The following BAHD1 variants were observed in gnomAD, a reference collection of about 807,000 sequenced individuals.
The protein encoded by BAHD1 is bromo adjacent homology domain containing 1.
In BAHD1, 20 loss-of-function variants were observed where a neutral mutation model predicts 63.1. That is an observed-to-expected ratio of 0.32 (90% CI 0.22 to 0.46). The LOEUF (loss-of-function observed/expected upper bound fraction) is 0.46, where lower values mean the gene tolerates loss of function less well. Among genes scored for constraint, BAHD1 ranks in the 20% least tolerant of loss-of-function variants. BAHD1 has a pLI of 1.00. For missense variants in BAHD1, 939 were observed against 1,071.8 expected, an observed-to-expected ratio of 0.88 and a Z score of 1.73; for synonymous variants, 408 against 426.8, an observed-to-expected ratio of 0.96 and a Z score of 0.54.
At position 40,448,658 on chromosome 15, in the gene BAHD1, T is replaced by A. The variant is rs1893615181; in HGVS notation, c.-15+7390T>A. ...CTCAAGTGATCCTCCCACCTCAGCC[T>A]CCTAAGTAGCTGGGACTACAGGCAC... On this transcript the variant is annotated intron_variant, in intron 1 of 6. Transcript: ENST00000416165. 2.0e-5 allele frequency among the ~76,000 whole-genome samples: 3 copies of A among 152,160 alleles called. No individual in the cohort carries two copies. In the South Asian group the frequency reaches 6.2e-4, roughly 32 times the overall value.
At chr15:40,446,802 T>C (rs970948298) in intron 1 of BAHD1, among the ~76,000 whole-genome samples, 4 of 152,180 alleles carry the variant, frequency 2.6e-5, no homozygotes, top group Admixed American at 2.6e-4. Context: ...GTAAGGAGGA[T>C]GGGACCTGTC....
chr15:40,451,746 G>T (rs2470621), intron 1 of BAHD1, among the ~76,000 whole-genome samples: 1,904 of 152,328 alleles, frequency 0.012, 29 homozygotes, highest in African/African-American at 0.044. Context: ...GTCACAAGAG[G>T]TGCTGTGTGC....
In BAHD1 at chr15:40,459,171, C is replaced by A; in HGVS notation, c.707C>A (p.Ser236Tyr). The A allele has an allele frequency of 6.2e-7, 1 of 1,613,044 alleles. No homozygotes were observed. The highest frequency in any genetic ancestry group is 8.5e-7 in the Non-Finnish European group (1 of 1,179,876). ...GCCCATGCAGAAGTAGATGGGCGCT[C>A]CACTGAGCCCCCAGCACCCAAGGCC... is the stretch of plus-strand genomic sequence containing the variant. The part of the protein sequence containing the change: ...PRAHAEVDGR[S>Y]TEPPAPKAPR... The change falls in exon 2 of 7, where the codon TCC becomes TAC. Residue 236 changes from serine to tyrosine, a missense_variant. This residue lies in a region of BAHD1 where 797 missense variants were observed against 813.3 expected (regional missense o/e 0.98). Coordinates refer to ENST00000416165, the MANE Select transcript of BAHD1 (RefSeq NM_014952.5).
upstream of BAHD1, chr15:40,439,595 C>T (rs989992508): frequency 1.3e-5 from 2 of 152,404 alleles, no homozygotes; most frequent in Non-Finnish European, 2.9e-5. Context: ...CCCAGCCCCT[C>T]CCTGGGCTGC....
At chr15:40,455,269 G>A (rs904264257) in intron 1 of BAHD1, among the ~76,000 whole-genome samples, 1 of 152,168 alleles carries the variant, frequency 6.6e-6, no homozygotes, top group African/African-American at 2.4e-5. Context: ...TGATTCAGAC[G>A]CTTCCTGGGA....
chr15:40,439,345 G>A (rs961256320), upstream of BAHD1, among the ~76,000 whole-genome samples: 6 of 152,198 alleles, frequency 3.9e-5, no homozygotes, highest in African/African-American at 1.2e-4. Flanking sequence ...GGAGGCAGAT[G>A]GGGAACTGCT....
intron 1 of BAHD1, among the ~76,000 whole-genome samples, chr15:40,444,533 C>T (rs760190403): frequency 1.3e-4 from 20 of 152,282 alleles, no homozygotes; most frequent in Non-Finnish European, 2.8e-4. Flanking sequence ...TGTTTTATCT[C>T]TTCTCAAACC....
At chr15:40,453,055 G>A (rs1477489687) in intron 1 of BAHD1, among the ~76,000 whole-genome samples, 2 of 152,210 alleles carry the variant, frequency 1.3e-5, no homozygotes, top group Non-Finnish European at 2.9e-5. Flanking sequence ...GTGGGGAATG[G>A]CCAGCCAGGG....
chr15:40,464,336 G>T, intron 4 of BAHD1, 135 bp from the exon 5 acceptor site: 1 of 762,214 alleles, frequency 1.3e-6, no homozygotes, highest in Non-Finnish European at 2.2e-6. Flanking sequence ...GCTTGGCCTG[G>T]GGCAGGGGAC....
intron 6 of BAHD1, 142 bp downstream of exon 6, chr15:40,465,577 C>T (rs933802000): frequency 8.5e-6 from 6 of 702,744 alleles, no homozygotes; most frequent in Non-Finnish European, 1.5e-5. Context: ...CCAGAACTTA[C>T]TTCCCTATTG....
chr15:40,457,333 G>T (rs1406917134), intron 1 of BAHD1, among the ~76,000 whole-genome samples: 1 of 105,770 alleles, frequency 9.5e-6, no homozygotes, highest in African/African-American at 3.5e-5. Context: ...TGTTACCCTT[G>T]CCCTGGGTAC....
intron 1 of BAHD1, among the ~76,000 whole-genome samples, chr15:40,451,834 T>C (rs1010277234): frequency 1.3e-5 from 2 of 152,262 alleles, no homozygotes; most frequent in African/African-American, 4.8e-5. Flanking sequence ...AGTTGTGTAC[T>C]GGGAAGAAGC....
Position 40,458,841 on chromosome 15 carries a change from C to A in BAHD1, c.377C>A (p.Ala126Asp), listed in dbSNP as rs1484265108. 1.2e-6 allele frequency: 2 copies of A among 1,611,620 alleles called. No individual in the cohort carries two copies. ...CGCCTGGCCTCCCTCAATGCTGAAGCTCTCAATAACCTGCTGCTGGAGCGA... is the reference window on the plus strand; with the variant it reads ...CGCCTGGCCTCCCTCAATGCTGAAGATCTCAATAACCTGCTGCTGGAGCGA... ...KRRLASLNAE[A>D]LNNLLLERED... Residue 126 changes from alanine (A) to aspartate (D), a missense_variant, in exon 2 of 7, where the codon GCT becomes GAT. Ala to Asp is a moderately radical substitution (Grantham distance 126). This residue lies in a region of BAHD1 where 797 missense variants were observed against 813.3 expected (regional missense o/e 0.98). Coordinates refer to ENST00000416165, the MANE Select transcript of BAHD1 (RefSeq NM_014952.5). This position sits in a 1 kb window ranked among gnomAD's most constrained non-coding sequence, Gnocchi z 4.7.
At chr15:40,461,528 T>G (rs543985028) in intron 2 of BAHD1, among the ~76,000 whole-genome samples, 1 of 152,018 alleles carries the variant, frequency 6.6e-6, no homozygotes, top group East Asian at 1.9e-4. Context: ...TAATCCCAGC[T>G]ACTCAGGAGG....
intron 1 of BAHD1, among the ~76,000 whole-genome samples, chr15:40,447,572 AAATAAAT>A (rs1893574197): frequency 3.6e-5 from 1 of 27,972 alleles, no homozygotes; most frequent in Non-Finnish European, 7.2e-5. Flanking sequence ...ATAAATAAAT[AAATAAAT>A]AAATAAATAA....
At chr15:40,439,483 C>T (rs2141454397), upstream of BAHD1, among the ~76,000 whole-genome samples, 1 of 152,282 alleles carries the variant, frequency 6.6e-6, no homozygotes, top group South Asian at 2.1e-4. Flanking sequence ...AGGAGGAGCC[C>T]CTCCGAAGCC....
chr15:40,459,787 C>T lies in BAHD1; in HGVS notation c.1323C>T (p.Ser441=), dbSNP rs144573633. ...GGGGCTCCTCTCGCTACTGCTCTAG[C>T]GAGGACACTGGAGTGAATGGCTACA... The part of the protein sequence containing the change: ...PPWGSSRYCS[S]EDTGVNGYSI... Residue 441 remains serine (S), a synonymous_variant, in exon 2 of 7, where the codon AGC becomes AGT. Coordinates refer to ENST00000416165, the MANE Select transcript of BAHD1 (RefSeq NM_014952.5). The T allele has an allele frequency of 8.1e-6, 13 of 1,613,704 alleles. No homozygotes were observed. The highest frequency in any genetic ancestry group is 5.5e-5 in the South Asian group (5 of 91,092).
intron 4 of BAHD1, 89 bp downstream of exon 4, chr15:40,464,109 T>C (rs993690946): frequency 9.1e-6 from 13 of 1,433,708 alleles, no homozygotes; most frequent in African/African-American, 1.4e-5. Flanking sequence ...GAGTTTGACC[T>C]GGCGTGAGTC....
chr15:40,442,013 G>T (rs1893418178), intron 1 of BAHD1, among the ~76,000 whole-genome samples: 1 of 152,064 alleles, frequency 6.6e-6, no homozygotes, highest in Admixed American at 6.5e-5. Flanking sequence ...GCGGGGCGGC[G>T]GCCGAGTCCG....
Sources: allele counts gnomAD v4.1 joint callset (sites outside exome capture counted in the v4.1 genomes callset), GRCh38; gene constraint gnomAD v4.1.1; regional missense constraint gnomAD v4.1.1; non-coding constraint Gnocchi (gnomAD v3.1); transcripts MANE v1.5; gene names NCBI Gene and HGNC (gene_info 2026-07-23, HGNC 2026-07-21).